CSPG4: variants seen among roughly 807,000 people sequenced by gnomAD.
CSPG4 encodes the protein chondroitin sulfate proteoglycan 4 (melanoma-associated).
Under a neutral mutation model 139.3 loss-of-function variants are expected in CSPG4, and 74 were observed. The ratio of observed to expected loss-of-function variants is 0.53; its 90% CI spans 0.44 to 0.64. The LOEUF (loss-of-function observed/expected upper bound fraction) is 0.64. Among genes scored for constraint, CSPG4 ranks in the 30% least tolerant of loss-of-function variants. The pLI is 0.00. For missense variants in CSPG4, 2,565 were observed against 3,148.3 expected, an observed-to-expected ratio of 0.81 and a Z score of 4.43; for synonymous variants, 1,234 against 1,394.2, an observed-to-expected ratio of 0.89 and a Z score of 2.56.
Position 75,690,074 on chromosome 15 carries a change from C to T in CSPG4, c.991G>A (p.Ala331Thr), listed in dbSNP as rs543670021. ...CGGTGTTCCTGGAGGTGACGAGAGGCCTCTGCATCCAGCCCCCCGAGAAGG... is the reference window on the plus strand; with the variant it reads ...CGGTGTTCCTGGAGGTGACGAGAGGTCTCTGCATCCAGCCCCCCGAGAAGG... The part of the protein sequence containing the change: ...SLLLGGLDAE[A>T]SRHLQEHRLG... Residue 331 changes from alanine to threonine, a missense_variant, in exon 3 of 10, where the codon GCC becomes ACC. Ala to Thr is a moderately conservative substitution (Grantham distance 58, BLOSUM62 0). Coordinates refer to ENST00000308508, the MANE Select transcript of CSPG4 (RefSeq NM_001897.5). The T allele has an allele frequency of 6.2e-7, 1 of 1,612,008 alleles. No individual in the cohort carries two copies. The highest frequency in any genetic ancestry group is 2.2e-5 in the East Asian group (1 of 44,860).
In CSPG4 at chr15:75,696,041, C is replaced by T. The variant is rs1471228883; in HGVS notation, c.89-2808G>A. 6.6e-6 allele frequency among the ~76,000 whole-genome samples: 1 copy of T among 152,156 alleles called. No individual in the cohort carries two copies. The highest frequency in any genetic ancestry group is 1.5e-5 in the Non-Finnish European group (1 of 68,036). The stretch of plus-strand genomic sequence containing the variant: ...CTGGATCAGACCTGCCGTTGATTCT[C>T]CTGGGTCAAGAGGACCCATGATTCA... On this transcript the variant is annotated intron_variant, in intron 1 of 9. Coordinates refer to ENST00000308508, the MANE Select transcript of CSPG4 (RefSeq NM_001897.5). This position sits in a 1 kb window ranked among gnomAD's most constrained non-coding sequence, Gnocchi z 4.2.
chr15:75,677,286 G>A lies in CSPG4; in HGVS notation c.5233C>T (p.His1745Tyr). ...TGTGTGACCTGGAAGAGCACATCAT[G>A]CTCTGAGCGCTGGGGTGATGGAACG... ...ASVPSPQRSE[H>Y]DVLFQVTQFP... The change falls in exon 10 of 10, where the codon CAT becomes TAT. Residue 1745 changes from histidine to tyrosine, a missense_variant. Transcript: ENST00000308508. 6.8e-7 allele frequency: 1 copy of A among 1,480,452 alleles called. No individual in the cohort carries two copies. Among genetic ancestry groups the A allele is most frequent in the Non-Finnish European group, 9.0e-7 (1 of 1,111,296 alleles). The allele number at this position is 1,480,452 out of a possible 1,614,324, so 91.7% of individuals were successfully genotyped here.
Position 75,677,329 on chromosome 15 carries a change from G to A in CSPG4, c.5190C>T (p.Ala1730=). ...RARITVAALD[A]SNLLASVPSP... is the part of the protein sequence containing the mutation. ...ATGGAACGCTGGCCAAGAGATTGGA[G>A]GCATCCAGAGCAGCCACGGTGATCC... Residue 1730 remains alanine, a synonymous_variant, in exon 10 of 10, where the codon GCC becomes GCT. Coordinates refer to ENST00000308508, the MANE Select transcript of CSPG4 (RefSeq NM_001897.5). 2 of 1,420,214 alleles carry A rather than the reference G, an allele frequency of 1.4e-6. No individual in the cohort carries two copies. The highest frequency in any genetic ancestry group is 1.7e-5 in the South Asian group (1 of 59,750). 88.0% of individuals were successfully genotyped at this position (1,420,214 alleles called of 1,614,324 possible).
intron 1 of CSPG4, among the ~76,000 whole-genome samples, chr15:75,708,398 T>C (rs1289730627): frequency 6.0e-5 from 8 of 132,312 alleles, no homozygotes; most frequent in South Asian, 5.5e-4. Context: ...AGTGGCTTCA[T>C]TGGCAACCCT....
At chr15:75,683,950 A>G (rs1894016808) in intron 5 of CSPG4, among the ~76,000 whole-genome samples, 1 of 152,152 alleles carries the variant, frequency 6.6e-6, no homozygotes, top group African/African-American at 2.4e-5. Flanking sequence ...GTGGTTCCAG[A>G]GCACTGTGTC....
At chr15:75,703,461 G>A (rs1416595097) in intron 1 of CSPG4, among the ~76,000 whole-genome samples, 1 of 151,524 alleles carries the variant, frequency 6.6e-6, no homozygotes, top group East Asian at 2.0e-4. Context: ...GGTGAGGAGG[G>A]AGGAAGCAGG....
chr15:75,683,304 G>A (rs1382073319), intron 5 of CSPG4, among the ~76,000 whole-genome samples: 1 of 152,120 alleles, frequency 6.6e-6, no homozygotes, highest in Admixed American at 6.5e-5. Flanking sequence ...TGTCCCTCAA[G>A]GCCAGCTTAT....
chr15:75,706,378 CGT>C (rs1566978313), intron 1 of CSPG4, among the ~76,000 whole-genome samples: 2 of 151,494 alleles, frequency 1.3e-5, no homozygotes, highest in South Asian at 2.1e-4. Flanking sequence ...AGCAATACTG[CGT>C]GTGTGTGAGT....
intron 1 of CSPG4, among the ~76,000 whole-genome samples, chr15:75,709,808 C>T (rs1442589075): frequency 6.6e-6 from 1 of 152,138 alleles, no homozygotes; most frequent in East Asian, 1.9e-4. Context: ...ACCCCAGGCC[C>T]CCCAGGCGGG....
chr15:75,690,589 A>G lies in CSPG4; in HGVS notation c.476T>C (p.Leu159Pro). The stretch of plus-strand genomic sequence containing the variant: ...CCTCAGGGGTCGGCTGGTTCCCCTC[A>G]GGTAGGGCAGGCCAAGGGTCCCAGT... ...GGTGTLGLPY[L>P]RGTSRPLRGC... The change falls in exon 3 of 10, where the codon CTG becomes CCG. Residue 159 changes from leucine (L) to proline (P), a missense_variant. Leu to Pro is a moderately conservative substitution (Grantham distance 98). Coordinates refer to ENST00000308508, the MANE Select transcript of CSPG4 (RefSeq NM_001897.5). 4 of 1,608,046 alleles carry G rather than the reference A, an allele frequency of 2.5e-6. No individual in the cohort carries two copies. The highest frequency in any genetic ancestry group is 2.2e-5 in the South Asian group (2 of 90,778).
intron 1 of CSPG4, among the ~76,000 whole-genome samples, chr15:75,700,823 G>A (rs368606489): frequency 6.6e-6 from 1 of 152,190 alleles, no homozygotes. Flanking sequence ...AATGGTGACT[G>A]TGGGTCTGGA....
chr15:75,689,789 C>G lies in CSPG4; in HGVS notation c.1276G>C (p.Ala426Pro). Reference sequence around the variant, plus strand: ...ATAGTCAGCAGCTGGGTGAAATTGGCAAAGACAGGAGGCAGCCCTGGCTCA... The same window carrying G: ...ATAGTCAGCAGCTGGGTGAAATTGGGAAAGACAGGAGGCAGCCCTGGCTCA... The part of the protein sequence containing the change: ...VPEPGLPPVF[A>P]NFTQLLTISP... Residue 426 changes from alanine (A) to proline (P), a missense_variant, in exon 3 of 10, where the codon GCC (alanine) becomes CCC (proline). Physicochemically the swap from Ala to Pro is conservative, Grantham distance 27. Transcript: ENST00000308508. 1 of 1,612,582 alleles carries G rather than the reference C, an allele frequency of 6.2e-7. No homozygotes were observed. Among genetic ancestry groups the G allele is most frequent in the Non-Finnish European group, 8.5e-7 (1 of 1,179,632 alleles).
chr15:75,688,308 A>C lies in CSPG4; in HGVS notation c.2757T>G (p.Ala919=), dbSNP rs140150544. The change falls in exon 3 of 10, where the codon GCT becomes GCG. Residue 919 remains alanine (A), a synonymous_variant. Transcript: ENST00000308508. ...VPEGGEGVLS[A]DHLFVKSLNS... ...TGAGACTCTTGACAAAGAGGTGGTCAGCAGAGAGGACACCCTCACCACCCT... is the reference window on the plus strand; with the variant it reads ...TGAGACTCTTGACAAAGAGGTGGTCCGCAGAGAGGACACCCTCACCACCCT... The C allele has an allele frequency of 1.2e-6, 2 of 1,613,216 alleles. No individual in the cohort carries two copies. The highest frequency in any genetic ancestry group is 1.7e-6 in the Non-Finnish European group (2 of 1,180,036).
Position 75,698,361 on chromosome 15 carries a change from C to T in CSPG4, c.89-5128G>A, listed in dbSNP as rs1894255414. On this transcript the variant is annotated intron_variant, in intron 1 of 9. Coordinates refer to ENST00000308508, the MANE Select transcript of CSPG4 (RefSeq NM_001897.5). This position sits in a 1 kb window ranked among gnomAD's most constrained non-coding sequence, Gnocchi z 4.3. Reference sequence around the variant, plus strand: ...CGTGGCCCACCTGGGGGCTGAATGCCGGCTCTGTGAGAGCATGGACGGGCC... The same window carrying T: ...CGTGGCCCACCTGGGGGCTGAATGCTGGCTCTGTGAGAGCATGGACGGGCC... Among the ~76,000 whole-genome samples, 1 of 151,894 alleles carries T rather than the reference C, an allele frequency of 6.6e-6. No individual in the cohort carries two copies. Among genetic ancestry groups the T allele is most frequent in the East Asian group, 1.9e-4 (1 of 5,174 alleles).
chr15:75,710,621 T>G (rs1004811737), intron 1 of CSPG4, among the ~76,000 whole-genome samples: 2 of 151,990 alleles, frequency 1.3e-5, no homozygotes, highest in East Asian at 1.9e-4. Context: ...CCCCCTGACC[T>G]GGATGCCTCA....
chr15:75,690,584 C>T lies in CSPG4; in HGVS notation c.481G>A (p.Gly161Arg), dbSNP rs753227249. ...CAACCCCTCAGGGGTCGGCTGGTTC[C>T]CCTCAGGTAGGGCAGGCCAAGGGTC... The part of the protein sequence containing the change: ...TGTLGLPYLR[G>R]TSRPLRGCLH... The change falls in exon 3 of 10, where the codon GGA (glycine) becomes AGA (arginine). Residue 161 changes from glycine to arginine, a missense_variant. Coordinates refer to ENST00000308508, the MANE Select transcript of CSPG4 (RefSeq NM_001897.5). The T allele has an allele frequency of 1.2e-6, 2 of 1,608,024 alleles. No homozygotes were observed. The highest frequency in any genetic ancestry group is 1.3e-5 in the African/African-American group (1 of 74,878).
chr15:75,695,396 G>C (rs1894212623), intron 1 of CSPG4, among the ~76,000 whole-genome samples: 1 of 152,182 alleles, frequency 6.6e-6, no homozygotes, highest in Non-Finnish European at 1.5e-5. Context: ...CAGAGCGCTG[G>C]GGTCTGAATG....
In CSPG4 at chr15:75,688,318, A is replaced by G. The variant is rs754240818; in HGVS notation, c.2747T>C (p.Val916Ala). The G allele has an allele frequency of 6.2e-7, 1 of 1,613,136 alleles. No individual in the cohort carries two copies. The highest frequency in any genetic ancestry group is 8.5e-7 in the Non-Finnish European group (1 of 1,180,012). ...GACAAAGAGGTGGTCAGCAGAGAGG[A>G]CACCCTCACCACCCTCAGGCACCAC... ...LLVVPEGGEG[V>A]LSADHLFVKS... The change falls in exon 3 of 10, where the codon GTC becomes GCC. Residue 916 changes from valine (V) to alanine (A), a missense_variant. Val to Ala is a moderately conservative substitution (Grantham distance 64). This residue lies in a region of CSPG4 where 2,316 missense variants were observed against 2,818.2 expected (regional missense o/e 0.82). Coordinates refer to ENST00000308508, the MANE Select transcript of CSPG4 (RefSeq NM_001897.5).
intron 8 of CSPG4, chr15:75,679,603 T>G (rs937550122): frequency 3.9e-5 from 6 of 152,224 alleles, no homozygotes; most frequent in South Asian, 2.1e-4. Flanking sequence ...CACCAAAGAA[T>G]ATTCTTCGCT....
Sources: gnomAD v4.1 joint callset for allele counts (sites outside exome capture counted in the v4.1 genomes callset) on GRCh38, gnomAD v4.1.1 for gene constraint, gnomAD v4.1.1 regional missense constraint, Gnocchi (gnomAD v3.1) non-coding constraint, MANE v1.5 for transcripts, NCBI Gene and HGNC (gene_info 2026-07-23, HGNC 2026-07-21) for gene names.